Variants in H4C15 observed in about 807,000 individuals in gnomAD.
The protein encoded by H4C15 is histone H4.
At chr1:149,855,066 AGAC>A (rs1382904988), downstream of H4C15, among the ~76,000 whole-genome samples, 1 of 16,666 alleles carries the variant, frequency 6.0e-5, no homozygotes, top group South Asian at 1.6e-3. Context: ...AAAAAAAAAA[AGAC>A]AGAAAGAAAA....
chr1:149,845,936 T>C, the H4C15 span: 1 of 152,234 alleles, frequency 6.6e-6, no homozygotes, highest in Non-Finnish European at 1.5e-5. Context: ...CCAAGAGTAC[T>C]GTTTTGAACA....
the H4C15 span, chr1:149,846,096 C>T: frequency 2.0e-5 from 3 of 151,950 alleles, no homozygotes; most frequent in East Asian, 5.8e-4. Context: ...ATAATCTACC[C>T]TTTCTTTCTG....
chr1:149,848,276 T>C, the H4C15 span: 4 of 152,166 alleles, frequency 2.6e-5, no homozygotes, highest in African/African-American at 9.7e-5. Flanking sequence ...TGAAAGGTCT[T>C]TCCTTTTATC....
chr1:149,848,990 T>C, the H4C15 span: 1 of 152,204 alleles, frequency 6.6e-6, no homozygotes, highest in African/African-American at 2.4e-5. Context: ...TCCACTTGAA[T>C]AGCAAAGAGC....
At chr1:149,850,486 T>C (rs2092172620), downstream of H4C15, 2 of 863,382 alleles carry the variant, frequency 2.3e-6, no homozygotes, top group Middle Eastern at 3.3e-4. Context: ...CGCACGGCCG[T>C]CTGGATCTCC....
At chr1:149,845,361 CTAAATG>C in the H4C15 span, 1 of 152,158 alleles carries the variant, frequency 6.6e-6, no homozygotes, top group African/African-American at 2.4e-5. Flanking sequence ...AAATAAGTGA[CTAAATG>C]TATATTATTC....
At chr1:149,844,665 A>G in the H4C15 span, 1 of 152,126 alleles carries the variant, frequency 6.6e-6, no homozygotes, top group African/African-American at 2.4e-5. Context: ...GCTTTTGTTC[A>G]CTTTTTTCTC....
At chr1:149,855,384 G>GGT (rs1162535434), downstream of H4C15, among the ~76,000 whole-genome samples, 23,697 of 138,682 alleles carry the variant, frequency 0.17, 1,355 homozygotes, top group South Asian at 0.21. Context: ...GTGGGGGACA[G>GGT]GTGTGTGTGT....
downstream of H4C15, among the ~76,000 whole-genome samples, chr1:149,849,446 G>C (rs2092160701): frequency 6.6e-6 from 1 of 152,118 alleles, no homozygotes; most frequent in Non-Finnish European, 1.5e-5. Flanking sequence ...TAGGATTTAC[G>C]ATCCCCAGAG....
downstream of H4C15, among the ~76,000 whole-genome samples, chr1:149,850,018 G>C (rs377020862): frequency 8.5e-5 from 13 of 152,176 alleles, no homozygotes; most frequent in Non-Finnish European, 1.8e-4. Context: ...TTAACACTGC[G>C]TTTCTCAACA....
At chr1:149,844,560 C>A in the H4C15 span, 2 of 151,610 alleles carry the variant, frequency 1.3e-5, no homozygotes, top group Non-Finnish European at 2.9e-5. Context: ...TCAAAAAGAT[C>A]AAGTGAGAAC....
downstream of H4C15, chr1:149,850,463 G>C (rs781799106): frequency 8.8e-6 from 9 of 1,023,454 alleles, no homozygotes; most frequent in Non-Finnish European, 1.3e-5. Context: ...CCAGCTCGCC[G>C]GGCAGCAGCA....
At chr1:149,850,401 G>C (rs1553757637), downstream of H4C15, 2 of 1,032,556 alleles carry the variant, frequency 1.9e-6, no homozygotes, top group Admixed American at 2.0e-5. Flanking sequence ...GACTCACTTG[G>C]AGCTGGCGTA....
chr1:149,849,008 A>C, the H4C15 span: 1 of 152,212 alleles, frequency 6.6e-6, no homozygotes. Flanking sequence ...AGCTTCTCAA[A>C]TTTCAGTCGG....
At chr1:149,850,611 T>A (rs1179167640), downstream of H4C15, 10 of 540,706 alleles carry the variant, frequency 1.8e-5, no homozygotes, top group Non-Finnish European at 2.8e-5. Context: ...TTGCACCAGA[T>A]GCCGGTGTCG....
At chr1:149,855,734 TTGTGTG>T (rs1177085725), downstream of H4C15, among the ~76,000 whole-genome samples, 7 of 24,048 alleles carry the variant, frequency 2.9e-4, no homozygotes, top group Non-Finnish European at 5.4e-4. Flanking sequence ...TCTACACATT[TTGTGTG>T]TGTGTGTGTG....
chr1:149,848,420 T>C, the H4C15 span: 1 of 152,256 alleles, frequency 6.6e-6, no homozygotes, highest in Admixed American at 6.5e-5. Flanking sequence ...AGTGGCTCAG[T>C]TCCCTGATTC....
chr1:149,850,582 G>C, downstream of H4C15: 1 of 619,374 alleles, frequency 1.6e-6, no homozygotes, highest in Non-Finnish European at 2.7e-6. Flanking sequence ...TGAGGAAGGA[G>C]TTCATGATGC....
At chr1:149,849,280 AAC>A (rs1342686867), downstream of H4C15, among the ~76,000 whole-genome samples, 2 of 152,228 alleles carry the variant, frequency 1.3e-5, no homozygotes, top group East Asian at 3.8e-4. Flanking sequence ...CAGAAAGCTT[AAC>A]ACAAATAATG....
Sources: allele counts gnomAD v4.1 joint callset (sites outside exome capture counted in the v4.1 genomes callset), GRCh38; gene constraint gnomAD v4.1.1; transcripts MANE v1.5; gene names NCBI Gene and HGNC (gene_info 2026-07-23, HGNC 2026-07-21).